The following CRIM1 variants were observed in gnomAD, a reference collection of about 807,000 sequenced individuals.
CRIM1 encodes cysteine rich transmembrane BMP regulator 1.
A neutral mutation model predicts 116.4 loss-of-function variants in CRIM1; 32 were observed. That is an observed-to-expected ratio of 0.27 (90% CI 0.21 to 0.37). CRIM1 has a LOEUF of 0.37. Among genes scored for constraint, CRIM1 ranks in the 10% least tolerant of loss-of-function variants. The pLI is 1.00. For synonymous variants in CRIM1, 590 were observed against 509.2 expected (o/e 1.16, Z -2.13); for missense variants, 1,331 against 1,354.8 (o/e 0.98, Z 0.28).
chr2:36,427,191 ACT>A (rs1326703397), intron 2 of CRIM1, among the ~76,000 whole-genome samples: 1 of 151,014 alleles, frequency 6.6e-6, no homozygotes, highest in Non-Finnish European at 1.5e-5. Context: ...ACAGAGTGAA[ACT>A]CTGTCTCAAA....
chr2:36,462,936 T>C (rs1176569459), intron 4 of CRIM1, among the ~76,000 whole-genome samples: 3 of 152,206 alleles, frequency 2.0e-5, no homozygotes, highest in Non-Finnish European at 4.4e-5. Context: ...TACTCAGCGC[T>C]AGAAAATGAT....
At chr2:36,534,370 AGGGGAAGGAAGGGAGGGAG>A (rs1666356503) in intron 13 of CRIM1, among the ~76,000 whole-genome samples, 1 of 90,216 alleles carries the variant, frequency 1.1e-5, no homozygotes, top group East Asian at 3.8e-4. Flanking sequence ...GAGGGAGGGA[AGGGGAAGGAAGGGAGGGAG>A]GGGGAAGGAA....
chr2:36,461,503 A>T (rs1410654320), intron 4 of CRIM1, among the ~76,000 whole-genome samples: 1 of 152,228 alleles, frequency 6.6e-6, no homozygotes. Context: ...AGTCTCTTCT[A>T]GTGGAAAACA....
chr2:36,415,565 A>G (rs1476193096), intron 2 of CRIM1, among the ~76,000 whole-genome samples: 2 of 152,114 alleles, frequency 1.3e-5, no homozygotes, highest in African/African-American at 2.4e-5. Flanking sequence ...AAAATTGTTC[A>G]TAGATTCTTT....
intron 13 of CRIM1, among the ~76,000 whole-genome samples, chr2:36,530,409 A>C (rs1230555478): frequency 6.6e-6 from 1 of 152,168 alleles, no homozygotes; most frequent in Non-Finnish European, 1.5e-5. Context: ...AAGTGAAGCC[A>C]GTTTCTCAAA....
At chr2:36,428,688 G>T (rs192680791) in intron 2 of CRIM1, among the ~76,000 whole-genome samples, 33 of 152,306 alleles carry the variant, frequency 2.2e-4, no homozygotes, top group African/African-American at 7.5e-4. Context: ...AATAGATGTA[G>T]AGCTTTGGTA....
Position 36,363,173 on chromosome 2 carries a change from C to T in CRIM1, c.331+6550C>T, listed in dbSNP as rs534461427. Among the ~76,000 whole-genome samples, 5 of 148,416 alleles carry T rather than the reference C, an allele frequency of 3.4e-5. No homozygotes were observed. The Admixed American group carries it at 3.4e-4, about 10-fold the overall frequency. On this transcript the variant is annotated intron_variant, in intron 1 of 16. Coordinates refer to ENST00000280527, the MANE Select transcript of CRIM1 (RefSeq NM_016441.3). ...TGAAATCGCACCACTGCACTCCAGC[C>T]TGGGCGACAAAGCAAGACCCTGTCT...
At chr2:36,518,470 G>A (rs142760862) in intron 12 of CRIM1, among the ~76,000 whole-genome samples, 10 of 151,896 alleles carry the variant, frequency 6.6e-5, no homozygotes, top group African/African-American at 1.2e-4. Context: ...CTGTTGTTCC[G>A]TCATTATGTG....
At chr2:36,534,223 AGGAAGGAGGGTGGGGAAGGAGGGAGGG>A (rs1271211305) in intron 13 of CRIM1, among the ~76,000 whole-genome samples, 1 of 115,114 alleles carries the variant, frequency 8.7e-6, no homozygotes, top group Non-Finnish European at 1.7e-5. Context: ...AAGATAAGGA[AGGAAGGAGGGTGGGGAAGGAGGGAGGG>A]GGAAGGAGGA....
chr2:36,424,572 G>A (rs946052589), intron 2 of CRIM1, among the ~76,000 whole-genome samples: 13 of 152,198 alleles, frequency 8.5e-5, no homozygotes, highest in African/African-American at 3.1e-4. Flanking sequence ...ACATATGGGA[G>A]CATGGCCACT....
chr2:36,498,314 A>C (rs1292922832), intron 7 of CRIM1, among the ~76,000 whole-genome samples: 2 of 152,098 alleles, frequency 1.3e-5, no homozygotes, highest in East Asian at 3.9e-4. Context: ...CCTGGGTTTG[A>C]ATCTTGGGTC....
intron 5 of CRIM1, 106 bp from the exon 6 acceptor site, chr2:36,476,783 C>T: frequency 1.2e-6 from 1 of 865,960 alleles, no homozygotes; most frequent in Non-Finnish European, 1.8e-6. Flanking sequence ...TTTCCATCAA[C>T]TTATAACCTC....
intron 1 of CRIM1, among the ~76,000 whole-genome samples, chr2:36,372,873 A>G (rs1450575191): frequency 6.6e-6 from 1 of 152,220 alleles, no homozygotes; most frequent in Admixed American, 6.5e-5. Flanking sequence ...TTATAGCTGT[A>G]GAGCTCTGGT....
At position 36,513,569 on chromosome 2, in the gene CRIM1, A is replaced by G. The variant is rs1338230288; in HGVS notation, c.1794A>G (p.Ser598=). ...TTGTCTGTCCAGAGGCCTCTGCTTC[A>G]GCTGGGCCACCCATCCTGTCGGGCA... ...LICKCREASA[S]AGPPILSGTC... Residue 598 remains serine, a synonymous_variant, in exon 11 of 17, where the codon TCA becomes TCG. Coordinates refer to ENST00000280527, the MANE Select transcript of CRIM1 (RefSeq NM_016441.3). The G allele has an allele frequency of 1.9e-6, 3 of 1,614,000 alleles. No individual in the cohort carries two copies. In the East Asian group the frequency reaches 6.7e-5, roughly 36 times the overall value.
chr2:36,359,880 G>T (rs568168541), intron 1 of CRIM1, among the ~76,000 whole-genome samples: 2 of 152,132 alleles, frequency 1.3e-5, no homozygotes, highest in African/African-American at 2.4e-5. Context: ...CTTTCCATTC[G>T]TCTGCTAAGA....
At chr2:36,361,592 T>G (rs1388343175) in intron 1 of CRIM1, among the ~76,000 whole-genome samples, 2 of 152,200 alleles carry the variant, frequency 1.3e-5, no homozygotes, top group Non-Finnish European at 2.9e-5. Flanking sequence ...TGAATTCATC[T>G]TAGCACAAGT....
chr2:36,439,449 C>A (rs1183149803), intron 2 of CRIM1, among the ~76,000 whole-genome samples: 1 of 152,128 alleles, frequency 6.6e-6, no homozygotes, highest in East Asian at 1.9e-4. Context: ...TCTAATTTGT[C>A]CCATAGTGAA....
chr2:36,449,363 A>G lies in CRIM1; in HGVS notation c.869+6628A>G, dbSNP rs527438235. Among the ~76,000 whole-genome samples, 3 of 152,112 alleles carry G rather than the reference A, an allele frequency of 2.0e-5. No homozygotes were observed. In the East Asian group the frequency reaches 5.8e-4, roughly 30 times the overall value. On this transcript the variant is annotated intron_variant, in intron 4 of 16. Coordinates refer to ENST00000280527, the MANE Select transcript of CRIM1 (RefSeq NM_016441.3). ...CCTTGTGGCCCTGGGCTCACTCACC[A>G]CCAGGCCCTCTCCAGTCCTGCCTCT... is the stretch of plus-strand genomic sequence containing the variant.
chr2:36,382,330 A>G (rs189701195), intron 1 of CRIM1, among the ~76,000 whole-genome samples: 1 of 152,370 alleles, frequency 6.6e-6, no homozygotes, highest in East Asian at 1.9e-4. Context: ...ACCTGTTTTA[A>G]GTGGAAAGCG....
Sources: gnomAD v4.1 joint callset for allele counts (sites outside exome capture counted in the v4.1 genomes callset) on GRCh38, gnomAD v4.1.1 for gene constraint, MANE v1.5 for transcripts, NCBI Gene and HGNC (gene_info 2026-07-23, HGNC 2026-07-21) for gene names.